Variants in SOX5 observed in about 807,000 individuals in gnomAD.
SOX5 encodes transcription factor SOX-5.
A neutral mutation model predicts 92.0 loss-of-function variants in SOX5; 9 were observed. That is an observed-to-expected ratio of 0.10 (90% CI 0.06 to 0.17). The LOEUF (loss-of-function observed/expected upper bound fraction) is 0.17. SOX5 is among the 10% of genes least tolerant of loss of function. SOX5 has a pLI of 1.00. For synonymous variants in SOX5, 344 were observed against 336.3 expected (o/e 1.02, Z -0.25); for missense variants, 642 against 944.5 (o/e 0.68, Z 4.20).
At chr12:23,543,165 A>G (rs1004936417) in intron 13 of SOX5, 46 bp downstream of exon 13, 1 of 1,520,002 alleles carries the variant, frequency 6.6e-7, no homozygotes, top group Non-Finnish European at 9.1e-7. Flanking sequence ...AAAACAGAAC[A>G]GTACCTTTAT....
chr12:24,116,444 C>G (rs1357483180), intron 4 of SOX5, among the ~76,000 whole-genome samples: 1 of 152,018 alleles, frequency 6.6e-6, no homozygotes, highest in Non-Finnish European at 1.5e-5. Flanking sequence ...TTTGTAAAAA[C>G]TTAATGTTAT....
At chr12:23,689,658 C>A (rs897532559) in intron 6 of SOX5, among the ~76,000 whole-genome samples, 4 of 152,024 alleles carry the variant, frequency 2.6e-5, no homozygotes, top group African/African-American at 9.7e-5. Flanking sequence ...AAATACATGC[C>A]ATATACATCA....
At chr12:23,646,280 T>A (rs1367178287) in intron 7 of SOX5, among the ~76,000 whole-genome samples, 1 of 152,092 alleles carries the variant, frequency 6.6e-6, no homozygotes, top group African/African-American at 2.4e-5. Context: ...TCTCAGGCAA[T>A]CCTCTCACCT....
chr12:24,507,263 T>C lies in SOX5; in HGVS notation c.-251+55066A>G, dbSNP rs1329046955. On this transcript the variant is annotated intron_variant, in intron 1 of 4. Coordinates refer to the SOX5 transcript ENST00000446891. ...GTCACCACTTGAACCCACTGATCAA[T>C]GTTAACATCCTAAAAATTAGGTATA... 2.2e-4 allele frequency among the ~76,000 whole-genome samples: 33 copies of C among 152,006 alleles called. 1 individual carries two copies. The highest frequency in any genetic ancestry group is 1.2e-4 in the Non-Finnish European group (8 of 68,028).
At chr12:23,601,127 A>G (rs754242680) in intron 9 of SOX5, among the ~76,000 whole-genome samples, 1 of 151,378 alleles carries the variant, frequency 6.6e-6, no homozygotes, top group Admixed American at 6.6e-5. Flanking sequence ...TCGCGCACAC[A>G]CTCCCCAAGC....
intron 3 of SOX5, among the ~76,000 whole-genome samples, chr12:24,217,463 C>T (rs184915178): frequency 3.7e-4 from 56 of 152,248 alleles, no homozygotes; most frequent in African/African-American, 1.2e-3. Context: ...TTAAACTGGA[C>T]CCTTATCTCA....
chr12:24,053,887 C>T (rs925546628), intron 4 of SOX5, among the ~76,000 whole-genome samples: 1 of 152,158 alleles, frequency 6.6e-6, no homozygotes, highest in African/African-American at 2.4e-5. Context: ...GGTATGATTA[C>T]TGCTTTTGTA....
intron 9 of SOX5, among the ~76,000 whole-genome samples, chr12:23,600,122 G>T (rs1953200810): frequency 6.6e-6 from 1 of 152,240 alleles, no homozygotes; most frequent in Admixed American, 6.5e-5. Context: ...CGTCAATACT[G>T]CTTAACAATA....
At chr12:23,939,787 C>T (rs1050040673) in intron 1 of SOX5, among the ~76,000 whole-genome samples, 3 of 151,064 alleles carry the variant, frequency 2.0e-5, no homozygotes, top group Non-Finnish European at 4.5e-5. Flanking sequence ...GCTCTACTCC[C>T]TTGCTTTGCA....
intron 1 of SOX5, among the ~76,000 whole-genome samples, chr12:23,921,946 T>C (rs1459139962): frequency 2.0e-5 from 3 of 152,206 alleles, no homozygotes; most frequent in African/African-American, 2.4e-5. Flanking sequence ...TCCCTCATTC[T>C]ACCCAAAACG....
chr12:23,600,771 G>A (rs1034553351), intron 9 of SOX5, among the ~76,000 whole-genome samples: 5 of 151,518 alleles, frequency 3.3e-5, no homozygotes, highest in Admixed American at 6.6e-5. Context: ...CCAGTGTGCC[G>A]TTTTCAGAGG....
At chr12:23,587,156 ATAACT>A (rs142657420) in intron 9 of SOX5, among the ~76,000 whole-genome samples, 2,047 of 152,158 alleles carry the variant, frequency 0.013, 13 homozygotes, top group African/African-American at 0.028. Flanking sequence ...ACTTTTAAAA[ATAACT>A]TAAATTATTA....
intron 4 of SOX5, among the ~76,000 whole-genome samples, chr12:24,194,729 T>G (rs1046859192): frequency 2.0e-5 from 3 of 152,194 alleles, no homozygotes; most frequent in Non-Finnish European, 4.4e-5. Flanking sequence ...AGGACTCCAT[T>G]AGACATCTAT....
intron 1 of SOX5, among the ~76,000 whole-genome samples, chr12:24,421,253 CTG>C (rs368005522): frequency 2.4e-4 from 36 of 152,168 alleles, no homozygotes; most frequent in African/African-American, 8.7e-4. Context: ...GGTTACAAGA[CTG>C]TTTATCTTAT....
chr12:24,417,017 C>T (rs748817553), intron 1 of SOX5, among the ~76,000 whole-genome samples: 8 of 152,226 alleles, frequency 5.3e-5, no homozygotes, highest in Non-Finnish European at 7.3e-5. Flanking sequence ...CTATCAGTGA[C>T]ATGCTCTGGC....
At chr12:24,485,746 C>G (rs892354335) in intron 1 of SOX5, among the ~76,000 whole-genome samples, 1 of 151,990 alleles carries the variant, frequency 6.6e-6, no homozygotes, top group Admixed American at 6.6e-5. Flanking sequence ...TTTTATCATC[C>G]CTCCCCTCAA....
rs371818596 is a variant in SOX5, at chr12:23,789,487, A to G, written c.482-33763T>C. ...GCCTCTGGCCTATTCTTAAAGGAGAATATGTTTCTTTTTAGGATATTCTTT... is the reference window on the plus strand; with the variant it reads ...GCCTCTGGCCTATTCTTAAAGGAGAGTATGTTTCTTTTTAGGATATTCTTT... On this transcript the variant is annotated intron_variant, in intron 3 of 14. Transcript: ENST00000451604. Among the ~76,000 whole-genome samples, 2 of 152,188 alleles carry G rather than the reference A, an allele frequency of 1.3e-5. 1 individual carries two copies. Among genetic ancestry groups the G allele is most frequent in the South Asian group, 4.1e-4 (2 of 4,824 alleles).
intron 4 of SOX5, among the ~76,000 whole-genome samples, chr12:24,141,906 G>A (rs1305317369): frequency 4.6e-5 from 7 of 151,948 alleles, no homozygotes; most frequent in East Asian, 1.9e-4. Flanking sequence ...GTTTATATTC[G>A]GGTATGATGG....
intron 3 of SOX5, among the ~76,000 whole-genome samples, chr12:24,276,715 T>C (rs2140368663): frequency 6.6e-6 from 1 of 152,294 alleles, no homozygotes; most frequent in East Asian, 1.9e-4. Context: ...GGAATGTTTC[T>C]GTCAGTAAAT....
Sources: gnomAD v4.1 joint callset for allele counts (sites outside exome capture counted in the v4.1 genomes callset) on GRCh38, gnomAD v4.1.1 for gene constraint, MANE v1.5 for transcripts, NCBI Gene and HGNC (gene_info 2026-07-23, HGNC 2026-07-21) for gene names.